The following MTUS1 variants were observed in gnomAD, a reference collection of about 807,000 sequenced individuals.
MTUS1 encodes microtubule associated scaffold protein 1.
Under a neutral mutation model 120.8 loss-of-function variants are expected in MTUS1, and 109 were observed. That is an observed-to-expected ratio of 0.90 (90% confidence interval 0.77 to 1.06). MTUS1 has a LOEUF of 1.06. Among genes scored for constraint, MTUS1 ranks in the 50% least tolerant of loss-of-function variants. The probability of loss-of-function intolerance (pLI) is 0.00; values close to 1 mark genes in which losing one functional copy is unlikely to be tolerated. For missense variants in MTUS1, 2,210 were observed against 1,486.3 expected (o/e 1.49, Z -8.01); for synonymous variants, 737 against 550.5 (o/e 1.34, Z -4.74).
chr8:17,743,760 T>C lies in MTUS1; in HGVS notation c.2131A>G (p.Ile711Val), dbSNP rs2131270208. ...SKTTTTSGRN[I>V]SKPDSCGLRQ... Reference sequence around the variant, plus strand: ...AAACCGCAGGAGTCAGGCTTGGATATATTCCTACCTGAGGTGGTCGTTGTT... The same window carrying C: ...AAACCGCAGGAGTCAGGCTTGGATACATTCCTACCTGAGGTGGTCGTTGTT... The change falls in exon 3 of 15, where the codon ATA (isoleucine) becomes GTA (valine). Residue 711 changes from isoleucine (I) to valine (V), a missense_variant. Coordinates refer to ENST00000693296, the MANE Select transcript of MTUS1 (RefSeq NM_001363059.2). The C allele has an allele frequency of 1.2e-6, 2 of 1,614,132 alleles. No homozygotes were observed. Among genetic ancestry groups the C allele is most frequent in the East Asian group, 2.2e-5 (1 of 44,888 alleles).
intron 5 of MTUS1, among the ~76,000 whole-genome samples, chr8:17,713,632 G>C (rs143844945): frequency 1.2e-4 from 19 of 152,274 alleles, no homozygotes; most frequent in African/African-American, 4.3e-4. Flanking sequence ...ACGAAGGACA[G>C]TCACTCCCGT....
chr8:17,649,762 A>C, intron 13 of MTUS1, 84 bp downstream of exon 13: 1 of 755,934 alleles, frequency 1.3e-6, no homozygotes, highest in Non-Finnish European at 2.3e-6. Context: ...AGTTAACCCA[A>C]CTCCACAGTT....
intron 13 of MTUS1, among the ~76,000 whole-genome samples, chr8:17,648,863 G>A (rs1442042566): frequency 6.6e-6 from 1 of 152,238 alleles, no homozygotes; most frequent in Non-Finnish European, 1.5e-5. Context: ...TCAACAGCAA[G>A]GCACCGCGAG....
chr8:17,653,366 C>G, intron 11 of MTUS1, 59 bp downstream of exon 11: 1 of 1,538,364 alleles, frequency 6.5e-7, no homozygotes, highest in Non-Finnish European at 8.8e-7. Context: ...TAAAACCAAA[C>G]AAAATCAAAA....
intron 6 of MTUS1, chr8:17,697,367 GACA>G (rs1471605577): frequency 2.1e-5 from 34 of 1,613,992 alleles, no homozygotes; most frequent in African/African-American, 1.1e-4. Context: ...GAATTTGGGA[GACA>G]ACAACATGTC....
chr8:17,792,351 C>A (rs962393990), intron 1 of MTUS1, among the ~76,000 whole-genome samples: 1 of 152,188 alleles, frequency 6.6e-6, no homozygotes, highest in African/African-American at 2.4e-5. Flanking sequence ...TATATATCTA[C>A]AAGGTTATAC....
intron 8 of MTUS1, among the ~76,000 whole-genome samples, chr8:17,663,580 C>A (rs1810242287): frequency 7.0e-6 from 1 of 142,594 alleles, no homozygotes; most frequent in South Asian, 2.4e-4. Flanking sequence ...ACTTTCTAAG[C>A]CTACTTTTTG....
At chr8:17,677,267 A>G (rs995580282) in intron 7 of MTUS1, among the ~76,000 whole-genome samples, 3 of 152,198 alleles carry the variant, frequency 2.0e-5, no homozygotes, top group Non-Finnish European at 4.4e-5. Flanking sequence ...TTTAAGCCTG[A>G]ATTTTGTTTA....
At chr8:17,776,723 TTACA>T (rs2050472174) in intron 1 of MTUS1, among the ~76,000 whole-genome samples, 1 of 147,540 alleles carries the variant, frequency 6.8e-6, no homozygotes, top group African/African-American at 2.5e-5. Flanking sequence ...GATACAAGGC[TTACA>T]TAAAGAAAGC....
intron 3 of MTUS1, among the ~76,000 whole-genome samples, chr8:17,736,700 T>C (rs1045272832): frequency 6.6e-6 from 1 of 152,108 alleles, no homozygotes; most frequent in African/African-American, 2.4e-5. Flanking sequence ...TTCTCCTGCC[T>C]CAGCCTCCCA....
At chr8:17,676,593 C>T (rs1813171770) in intron 7 of MTUS1, 14 of 541,164 alleles carry the variant, frequency 2.6e-5, no homozygotes, top group South Asian at 1.6e-4. Flanking sequence ...TTATGAAAAA[C>T]GAGAGGCAGG....
intron 10 of MTUS1, 171 bp from the exon 11 acceptor site, chr8:17,653,669 A>T: frequency 1.8e-6 from 1 of 566,472 alleles, no homozygotes; most frequent in Non-Finnish European, 3.0e-6. Flanking sequence ...AATGGCCTTG[A>T]GAGGTGGTTA....
intron 1 of MTUS1, among the ~76,000 whole-genome samples, chr8:17,764,677 T>C (rs769885695): frequency 6.6e-6 from 1 of 152,234 alleles, no homozygotes; most frequent in Non-Finnish European, 1.5e-5. Context: ...TCTGCTGTTG[T>C]AGAATCAAAG....
chr8:17,646,174 G>A (rs747403522), intron 14 of MTUS1, 35 bp from the exon 15 acceptor site: 3 of 1,442,942 alleles, frequency 2.1e-6, no homozygotes, highest in Admixed American at 2.6e-5. Context: ...TGAGATCTAT[G>A]TAAAAAAAAA....
Position 17,707,819 on chromosome 8 carries a change from C to G in MTUS1, c.2623+5395G>C, listed in dbSNP as rs532629999. Among the ~76,000 whole-genome samples, 4 of 152,290 alleles carry G rather than the reference C, an allele frequency of 2.6e-5. No homozygotes were observed. In the East Asian group the frequency reaches 7.7e-4, roughly 29 times the overall value. On this transcript the variant is annotated intron_variant, in intron 6 of 14. Coordinates refer to ENST00000693296, the MANE Select transcript of MTUS1 (RefSeq NM_001363059.2). ...ACAATTTAGAAATCAGAAATAAACC[C>G]TCACATTCTTAACCAATTATTTTTA...
At chr8:17,798,632 G>A (rs1479317522) in intron 1 of MTUS1, among the ~76,000 whole-genome samples, 2 of 152,086 alleles carry the variant, frequency 1.3e-5, no homozygotes, top group Admixed American at 6.6e-5. Context: ...GCACCCGGCT[G>A]GAAAATTTTT....
At chr8:17,787,255 G>A (rs1338445361) in intron 1 of MTUS1, among the ~76,000 whole-genome samples, 1 of 152,184 alleles carries the variant, frequency 6.6e-6, no homozygotes, top group Non-Finnish European at 1.5e-5. Flanking sequence ...TCAGTGCACA[G>A]CTCTTCAAAG....
intron 3 of MTUS1, among the ~76,000 whole-genome samples, chr8:17,727,467 G>T (rs1403474948): frequency 1.3e-5 from 2 of 152,176 alleles, no homozygotes; most frequent in Admixed American, 6.5e-5. Context: ...TACTGGACAG[G>T]AGCTCCTACA....
intron 12 of MTUS1, 66 bp from the exon 13 acceptor site, chr8:17,650,028 T>G (rs1260246629): frequency 1.2e-6 from 1 of 865,082 alleles, no homozygotes; most frequent in Non-Finnish European, 2.0e-6. Context: ...AGAAAGAATC[T>G]TTGATTAGAT....
Sources: gnomAD v4.1 joint callset for allele counts (sites outside exome capture counted in the v4.1 genomes callset) on GRCh38, gnomAD v4.1.1 for gene constraint, MANE v1.5 for transcripts, NCBI Gene and HGNC (gene_info 2026-07-23, HGNC 2026-07-21) for gene names.